The following HIC1 variants were observed in gnomAD, a reference collection of about 807,000 sequenced individuals.
HIC1 encodes the protein hypermethylated in cancer 1 protein.
HIC1 carries 9 observed loss-of-function variants against 26.4 expected under a neutral mutation model. The observed-to-expected ratio is 0.34, with a 90% confidence interval of 0.21 to 0.59. The LOEUF is 0.59. Among genes scored for constraint, HIC1 ranks in the 20% least tolerant of loss-of-function variants. HIC1 has a pLI of 0.82. For missense variants in HIC1, 965 were observed against 1,075.7 expected, an observed-to-expected ratio of 0.90 and a Z score of 1.44; for synonymous variants, 631 against 523.1, an observed-to-expected ratio of 1.21 and a Z score of -2.81.
intron 1 of HIC1, chr17:2,056,253 G>T: frequency 6.8e-7 from 1 of 1,470,278 alleles, no homozygotes. Flanking sequence ...CCCGAGGCGG[G>T]AGGCGCTGGT....
At chr17:2,056,430 C>A (rs1336992107) in intron 1 of HIC1, 2 of 1,461,492 alleles carry the variant, frequency 1.4e-6, no homozygotes, top group Admixed American at 3.3e-5. Context: ...CTGGGGCGTG[C>A]AGGCCGCCCT....
At position 2,057,329 on chromosome 17, in the gene HIC1, G is replaced by A. The variant is rs770448471; in HGVS notation, c.639G>A (p.Ser213=). ...GPGPAAALCA[S]ERRCSPLCGL... ...GCCCGGCCGCCGCACTCTGTGCCTC[G>A]GAGCGCCGCTGCTCCCCTCTTTGTG... The change falls in exon 2 of 2, where the codon TCG becomes TCA. Residue 213 remains serine, a synonymous_variant. Transcript: ENST00000619757. 1.3e-6 allele frequency: 2 copies of A among 1,500,818 alleles called. No individual in the cohort carries two copies. The highest frequency in any genetic ancestry group is 1.8e-6 in the Non-Finnish European group (2 of 1,133,888). The allele number at this position is 1,500,818 out of a possible 1,614,324, so 93.0% of individuals were successfully genotyped here.
Position 2,058,890 on chromosome 17 carries a change from A to G in HIC1, c.*55A>G, listed in dbSNP as rs1597304566. 3 of 1,340,302 alleles carry G rather than the reference A, an allele frequency of 2.2e-6. No homozygotes were observed. The South Asian group carries it at 5.5e-5, about 24-fold the overall frequency. The allele number at this position is 1,340,302 out of a possible 1,614,324, so 83.0% of individuals were successfully genotyped here. On this transcript the variant is annotated 3_prime_UTR_variant, in exon 2 of 2. Transcript: ENST00000619757. Reference sequence around the variant, plus strand: ...GCTGCGCGGCCCTGGCCCGCACCCCAGGGAGCGGCGGGGGCGGCGCGCAGG... The same window carrying G: ...GCTGCGCGGCCCTGGCCCGCACCCCGGGGAGCGGCGGGGGCGGCGCGCAGG...
chr17:2,056,650 G>T (rs1293054218), intron 1 of HIC1, 21 bp from the exon 2 acceptor site: 25 of 1,518,952 alleles, frequency 1.6e-5, no homozygotes, highest in Non-Finnish European at 2.2e-5. Context: ...GCTCTCACCC[G>T]GCCGGTGTGT....
At position 2,061,616 on chromosome 17, in the gene HIC1, G is replaced by T; in HGVS notation, c.*2781G>T. The T allele has an allele frequency of 6.4e-7, 1 of 1,571,488 alleles. No homozygotes were observed. The highest frequency in any genetic ancestry group is 8.6e-7 in the Non-Finnish European group (1 of 1,158,132). On this transcript the variant is annotated 3_prime_UTR_variant, in exon 2 of 2. Transcript: ENST00000619757. ...CACCACCTCCCGCAGTAGCCGGATT[G>T]GCTCCTCTGTGGGCATGAGAGAGCA... is the stretch of plus-strand genomic sequence containing the variant.
rs775863493 is a variant in HIC1, at chr17:2,058,604, C to G, written c.1914C>G (p.Ala638=). Residue 638 remains alanine, a synonymous_variant, in exon 2 of 2, where the codon GCC becomes GCG. Transcript: ENST00000619757. ...TCTTTGCTGTGGCTCGCCTCACGGC[C>G]GAGCAGCTGAGCCTGAAGCAGCAGG... is the stretch of plus-strand genomic sequence containing the variant. ...EGVFAVARLT[A]EQLSLKQQDK... The G allele has an allele frequency of 5.8e-6, 9 of 1,553,696 alleles. No homozygotes were observed. Among genetic ancestry groups the G allele is most frequent in the Admixed American group, 1.9e-5 (1 of 51,826 alleles).
rs2067767136 is a variant in HIC1, at chr17:2,061,320, C to G, written c.*2485C>G. On this transcript the variant is annotated 3_prime_UTR_variant, in exon 2 of 2. Transcript: ENST00000619757. ...GCTTCCGCCCGATCCTTGGGAGGGG[C>G]TCTGTGAGGAGCAGGTCCCCCACAG... 7 of 650,508 alleles carry G rather than the reference C, an allele frequency of 1.1e-5. No individual in the cohort carries two copies. Among genetic ancestry groups the G allele is most frequent in the Non-Finnish European group, 1.8e-5 (7 of 389,454 alleles). 40.3% of individuals were successfully genotyped at this position (650,508 alleles called of 1,614,324 possible).
At position 2,059,401 on chromosome 17, in the gene HIC1, C is replaced by G. The variant is rs557790384; in HGVS notation, c.*566C>G. On this transcript the variant is annotated 3_prime_UTR_variant, in exon 2 of 2. Coordinates refer to ENST00000619757, the MANE Select transcript of HIC1 (RefSeq NM_006497.4). Reference sequence around the variant, plus strand: ...TAGCCCCAGGGCCAACCCTTCCTTCCTCAGTCACCAAGGGCGGGGAGTTCT... The same window carrying G: ...TAGCCCCAGGGCCAACCCTTCCTTCGTCAGTCACCAAGGGCGGGGAGTTCT... 7.2e-5 allele frequency: 12 copies of G among 167,094 alleles called. No homozygotes were observed. Among genetic ancestry groups the G allele is most frequent in the African/African-American group, 2.9e-4 (12 of 41,588 alleles). 10.4% of individuals were successfully genotyped at this position (167,094 alleles called of 1,614,324 possible).
chr17:2,059,188 T>TC lies in HIC1; in HGVS notation c.*355dup, dbSNP rs2067708548. ...GGGAGGGGTGTCACTGTCGGGGCAC[T>TC]CCTAGCCCTACCTCCGGCCCTTGCG... On this transcript the variant is annotated 3_prime_UTR_variant, in exon 2 of 2. Coordinates refer to ENST00000619757, the MANE Select transcript of HIC1 (RefSeq NM_006497.4). 1 of 240,488 alleles carries TC rather than the reference T, an allele frequency of 4.2e-6. No individual in the cohort carries two copies. Among genetic ancestry groups the TC allele is most frequent in the Non-Finnish European group, 8.6e-6 (1 of 116,502 alleles). The allele number at this position is 240,488 out of a possible 1,614,324, so 14.9% of individuals were successfully genotyped here.
chr17:2,056,482 T>TCCTGGTCC, intron 1 of HIC1, 189 bp from the exon 2 acceptor site: 1 of 1,340,224 alleles, frequency 7.5e-7, no homozygotes, highest in Non-Finnish European at 1.1e-6. Flanking sequence ...CTGCTCCTTC[T>TCCTGGTCC]CCTGGTCCGG....
intron 1 of HIC1, 182 bp from the exon 2 acceptor site, chr17:2,056,489 C>T: frequency 5.3e-6 from 7 of 1,325,988 alleles, no homozygotes; most frequent in Non-Finnish European, 7.4e-6. Context: ...TTCTCCTGGT[C>T]CGGGCGGGCC....
Position 2,057,132 on chromosome 17 carries a change from G to A in HIC1, c.442G>A (p.Gly148Ser), listed in dbSNP as rs1406921584. 1.1e-5 allele frequency: 14 copies of A among 1,310,998 alleles called. No homozygotes were observed. The highest frequency in any genetic ancestry group is 2.3e-5 in the South Asian group (1 of 43,264). 81.2% of individuals were successfully genotyped at this position (1,310,998 alleles called of 1,614,324 possible). A position where few individuals can be genotyped will look rare whatever the true frequency, so the allele number is the denominator to read the frequency against. ...GCGGGGCGGCGGCGGCGGCGGCGGC[G>A]GCTACGCGCCCTATGGTCGGCCGGG... ...HLRGGGGGGG[G>S]YAPYGRPGRG... Residue 148 changes from glycine to serine, a missense_variant, in exon 2 of 2, where the codon GGC becomes AGC. By Grantham distance (56) the Gly-to-Ser change is moderately conservative. Transcript: ENST00000619757.
rs1423019119 is a variant in HIC1 at position 2,058,189 on chromosome 17, C to G, written c.1499C>G (p.Pro500Arg). ...TCGTGCGACAAGAGCTACAAGGACC[C>G]GGCCACGCTGCGGCAGCACGAGAAG... is the stretch of plus-strand genomic sequence containing the variant. Reference protein sequence around the residue: ...CASCDKSYKDPATLRQHEKTH... With the variant: ...CASCDKSYKDRATLRQHEKTH... The change falls in exon 2 of 2, where the codon CCG (proline) becomes CGG (arginine). Residue 500 changes from proline to arginine, a missense_variant. Pro to Arg is a moderately radical substitution (Grantham distance 103). This residue lies in a region of HIC1 where 105 missense variants were observed against 101.4 expected (regional missense o/e 1.04). Transcript: ENST00000619757. 1.9e-6 allele frequency: 3 copies of G among 1,611,018 alleles called. No individual in the cohort carries two copies. In the African/African-American group the frequency reaches 4.0e-5, roughly 22 times the overall value.
chr17:2,059,466 T>A lies in HIC1; in HGVS notation c.*631T>A, dbSNP rs2067713440. On this transcript the variant is annotated 3_prime_UTR_variant, in exon 2 of 2. Coordinates refer to ENST00000619757, the MANE Select transcript of HIC1 (RefSeq NM_006497.4). ...AAGAGCCTACCACCAGGTCTCCCAC[T>A]CCCGCGGTGCCCTCCCTTCCCTTCC... The A allele has an allele frequency of 5.9e-6, 1 of 168,620 alleles. No individual in the cohort carries two copies. The highest frequency in any genetic ancestry group is 2.4e-5 in the African/African-American group (1 of 41,468). The allele number at this position is 168,620 out of a possible 1,614,324, so 10.4% of individuals were successfully genotyped here.
rs1012711182 is a variant in HIC1, at chr17:2,059,163, G to A, written c.*328G>A. On this transcript the variant is annotated 3_prime_UTR_variant, in exon 2 of 2. Coordinates refer to ENST00000619757, the MANE Select transcript of HIC1 (RefSeq NM_006497.4). The stretch of plus-strand genomic sequence containing the variant: ...CCCGGCTCCGCGCTGCTCTTAGAGG[G>A]GGAGGGGTGTCACTGTCGGGGCACT... 2 of 285,354 alleles carry A rather than the reference G, an allele frequency of 7.0e-6. No individual in the cohort carries two copies. Among genetic ancestry groups the A allele is most frequent in the African/African-American group, 4.4e-5 (2 of 45,172 alleles). 17.7% of individuals were successfully genotyped at this position (285,354 alleles called of 1,614,324 possible). A position where few individuals can be genotyped will look rare whatever the true frequency, so the allele number is the denominator to read the frequency against.
rs1567561214 is a variant in HIC1, at chr17:2,060,922, G to GT, written c.*2089dup. 1 of 153,882 alleles carries GT rather than the reference G, an allele frequency of 6.5e-6. No individual in the cohort carries two copies. The highest frequency in any genetic ancestry group is 1.4e-5 in the Non-Finnish European group (1 of 69,230). 9.5% of individuals were successfully genotyped at this position (153,882 alleles called of 1,614,324 possible). ...GAAGAGGTGGGGGCCCAGGGCTGCT[G>GT]TTAGGGACATGCTGTCTAGAAGCCG... On this transcript the variant is annotated 3_prime_UTR_variant, in exon 2 of 2. Transcript: ENST00000619757.
In HIC1 at chr17:2,056,165, G is replaced by A. The variant is rs1202088134; in HGVS notation, c.-20-506G>A. 9.6e-5 allele frequency: 62 copies of A among 648,650 alleles called. 1 individual carries two copies. In the Admixed American group the frequency reaches 1.3e-3, roughly 14 times the overall value. 40.2% of individuals were successfully genotyped at this position (648,650 alleles called of 1,614,324 possible). ...CCCGGGCCCCGACCGAGGGTTGACA[G>A]CCCCCGGCCAGGGCGGCGCCAGGGC... On this transcript the variant is annotated intron_variant, in intron 1 of 1. Transcript: ENST00000619757.
chr17:2,057,866 G>A lies in HIC1; in HGVS notation c.1176G>A (p.Pro392=), dbSNP rs556577424. The A allele has an allele frequency of 1.5e-5, 24 of 1,593,402 alleles. No individual in the cohort carries two copies. The highest frequency in any genetic ancestry group is 2.0e-5 in the Non-Finnish European group (24 of 1,171,144). The change falls in exon 2 of 2, where the codon CCG becomes CCA. Residue 392 remains proline (P), a synonymous_variant. Transcript: ENST00000619757. The stretch of plus-strand genomic sequence containing the variant: ...CCGGTAGCAGCGAGGACCCCAGCCC[G>A]CCTGGCGGCCACCTCGAGGGCTACC... ...EETGSSEDPS[P]PGGHLEGYPC... is the part of the protein sequence containing the mutation.
rs1262557360 is a variant in HIC1 at position 2,062,453 on chromosome 17, A to G, written c.*3618A>G. 6.6e-6 allele frequency: 1 copy of G among 152,204 alleles called. No individual in the cohort carries two copies. Among genetic ancestry groups the G allele is most frequent in the African/African-American group, 2.4e-5 (1 of 41,444 alleles). The allele number at this position is 152,204 out of a possible 1,614,324, so 9.4% of individuals were successfully genotyped here. On this transcript the variant is annotated 3_prime_UTR_variant, in exon 2 of 2. Transcript: ENST00000619757. ...GCCACACTTTCAGAGTATATACTTAAAAGGTCTTGCTATAGTGGCACAGAT... is the reference window on the plus strand; with the variant it reads ...GCCACACTTTCAGAGTATATACTTAGAAGGTCTTGCTATAGTGGCACAGAT...
Sources: gnomAD v4.1 joint callset for allele counts on GRCh38, gnomAD v4.1.1 for gene constraint, gnomAD v4.1.1 regional missense constraint, MANE v1.5 for transcripts, NCBI Gene and HGNC (gene_info 2026-07-23, HGNC 2026-07-21) for gene names.